The following SUGP1 variants were observed in gnomAD, a reference collection of about 807,000 sequenced individuals.
The protein encoded by SUGP1 is SURP and G-patch domain-containing protein 1.
In SUGP1, 34 loss-of-function variants were observed where a neutral mutation model predicts 76.5. The ratio of observed to expected loss-of-function variants is 0.44; its 90% CI spans 0.34 to 0.59. SUGP1 has a LOEUF of 0.59. Among genes scored for constraint, SUGP1 ranks in the 20% least tolerant of loss-of-function variants. SUGP1 has a pLI of 0.01. For synonymous variants in SUGP1, 326 were observed against 326.2 expected (o/e 1.00, Z 0.01); for missense variants, 752 against 851.7 (o/e 0.88, Z 1.46).
chr19:19,318,420 GT>G (rs973581861), intron 1 of SUGP1, among the ~76,000 whole-genome samples: 1 of 151,130 alleles, frequency 6.6e-6, no homozygotes, highest in East Asian at 2.0e-4. Context: ...ACACCCAGCC[GT>G]TTTTTTTGTT....
chr19:19,279,258 TGC>T lies in SUGP1; in HGVS notation c.1481_1482del (p.Gly494AspfsTer13). ...ATGCGCCGCAGCTGGTGCTCCCAGG[TGC>T]CCAGCTCGCTGTCCACCTCCTCATC... is the stretch of plus-strand genomic sequence containing the variant. ...DSDEEVDSEL[G>X]TWEHQLRRME... On this transcript the variant is annotated frameshift_variant, in exon 10 of 14. Coordinates refer to ENST00000247001, the MANE Select transcript of SUGP1 (RefSeq NM_172231.4). LOFTEE classifies it high-confidence loss of function. 1 of 1,608,650 alleles carries T rather than the reference TGC, an allele frequency of 6.2e-7. No individual in the cohort carries two copies. The highest frequency in any genetic ancestry group is 8.5e-7 in the Non-Finnish European group (1 of 1,178,626).
At chr19:19,282,671 A>G (rs1223577541) in intron 8 of SUGP1, among the ~76,000 whole-genome samples, 3 of 152,190 alleles carry the variant, frequency 2.0e-5, no homozygotes, top group Non-Finnish European at 2.9e-5. Flanking sequence ...GGTCCACTTA[A>G]TATGCTGATT....
intron 6 of SUGP1, among the ~76,000 whole-genome samples, chr19:19,302,960 C>G (rs892659779): frequency 2.0e-5 from 3 of 152,190 alleles, no homozygotes; most frequent in African/African-American, 4.8e-5. Context: ...CCCTACACTA[C>G]ACTTGCCTTG....
chr19:19,296,864 A>C, intron 8 of SUGP1, 125 bp downstream of exon 8: 2 of 829,224 alleles, frequency 2.4e-6, no homozygotes, highest in Non-Finnish European at 3.6e-6. Context: ...ACACAGTGGA[A>C]GATATGGCCA....
intron 8 of SUGP1, among the ~76,000 whole-genome samples, chr19:19,293,052 G>A (rs534631887): frequency 2.1e-4 from 32 of 151,990 alleles, no homozygotes; most frequent in Non-Finnish European, 3.7e-4. Context: ...GATTACAGGC[G>A]TGTGCCACCA....
At chr19:19,300,760 C>T (rs1462121571) in intron 7 of SUGP1, among the ~76,000 whole-genome samples, 1 of 152,180 alleles carries the variant, frequency 6.6e-6, no homozygotes, top group Non-Finnish European at 1.5e-5. Flanking sequence ...CGACCTCAAC[C>T]AGCCTGGCCT....
Position 19,280,153 on chromosome 19 carries a change from ATGTCCCCGTCCCCT to A in SUGP1, c.1350+18_1350+31del. 1.9e-6 allele frequency: 3 copies of A among 1,602,402 alleles called. No individual in the cohort carries two copies. The South Asian group carries it at 3.3e-5, about 18-fold the overall frequency. The stretch of plus-strand genomic sequence containing the variant: ...GGACAACACTCTATGGGCGCCGACC[ATGTCCCCGTCCCCT>A]TGTCCCCGCAGTCTTACCTCCTGCT... On this transcript the variant is annotated intron_variant, in intron 9 of 13. Coordinates refer to ENST00000247001, the MANE Select transcript of SUGP1 (RefSeq NM_172231.4).
chr19:19,285,910 T>C (rs370356688), intron 8 of SUGP1, among the ~76,000 whole-genome samples: 1 of 152,254 alleles, frequency 6.6e-6, no homozygotes, highest in Admixed American at 6.5e-5. Context: ...TTTGTGCAAA[T>C]GCAGTTGGGT....
At chr19:19,298,955 C>T (rs1037800778) in intron 7 of SUGP1, among the ~76,000 whole-genome samples, 4 of 152,130 alleles carry the variant, frequency 2.6e-5, no homozygotes, top group African/African-American at 9.7e-5. Context: ...GTTACAATGG[C>T]ACTCAATGGT....
chr19:19,296,868 A>C, intron 8 of SUGP1, 121 bp downstream of exon 8: 35 of 821,740 alleles, frequency 4.3e-5, no homozygotes, highest in Non-Finnish European at 6.0e-5. Flanking sequence ...AGTGGAAGAT[A>C]TGGCCACAGA....
chr19:19,293,888 A>C (rs2061204663), intron 8 of SUGP1, among the ~76,000 whole-genome samples: 1 of 152,096 alleles, frequency 6.6e-6, no homozygotes, highest in African/African-American at 2.4e-5. Flanking sequence ...GAAAACCCTG[A>C]AGAATCCACA....
At chr19:19,295,477 G>A (rs551122691) in intron 8 of SUGP1, among the ~76,000 whole-genome samples, 8 of 151,904 alleles carry the variant, frequency 5.3e-5, no homozygotes, top group African/African-American at 7.2e-5. Context: ...GGTGGCACAC[G>A]CCTGTAGTCC....
intron 4 of SUGP1, 40 bp from the exon 5 acceptor site, chr19:19,303,887 C>A: frequency 1.9e-6 from 3 of 1,612,514 alleles, no homozygotes; most frequent in Non-Finnish European, 2.5e-6. Flanking sequence ...AACTCACACA[C>A]CCCACAGTCA....
intron 1 of SUGP1, among the ~76,000 whole-genome samples, chr19:19,318,088 G>C (rs1446956188): frequency 1.3e-5 from 2 of 148,544 alleles, no homozygotes; most frequent in Non-Finnish European, 3.0e-5. Flanking sequence ...TGGAATTACA[G>C]GCGTGAGCCA....
At chr19:19,278,236 G>T (rs1467301013) in intron 11 of SUGP1, among the ~76,000 whole-genome samples, 1 of 152,156 alleles carries the variant, frequency 6.6e-6, no homozygotes, top group African/African-American at 2.4e-5. Context: ...GGACAACGAG[G>T]TTACCACCTC....
chr19:19,306,331 G>C (rs907172090), intron 3 of SUGP1, among the ~76,000 whole-genome samples: 2 of 152,218 alleles, frequency 1.3e-5, no homozygotes, highest in African/African-American at 4.8e-5. Flanking sequence ...AGGCATCTCG[G>C]TCGCGCTGCA....
rs768330710 is a variant in SUGP1 at position 19,297,358 on chromosome 19, T to G, written c.888-14A>C. 5.4e-6 allele frequency: 8 copies of G among 1,487,888 alleles called. No homozygotes were observed. In the South Asian group the frequency reaches 1.1e-4, roughly 20 times the overall value. 92.2% of individuals were successfully genotyped at this position (1,487,888 alleles called of 1,614,324 possible). Reference sequence around the variant, plus strand: ...TCATACAGAAAGCTGCAAAGGAGAGTTGGGGGGTGCAGTGTCAGCTGGGCC... The same window carrying G: ...TCATACAGAAAGCTGCAAAGGAGAGGTGGGGGGTGCAGTGTCAGCTGGGCC... On this transcript the variant is annotated splice_polypyrimidine_tract_variant and intron_variant, in intron 7 of 13. Coordinates refer to ENST00000247001, the MANE Select transcript of SUGP1 (RefSeq NM_172231.4).
At position 19,279,066 on chromosome 19, in the gene SUGP1, T is replaced by C. The variant is rs1054699681; in HGVS notation, c.1528+147A>G. On this transcript the variant is annotated intron_variant, in intron 10 of 13. Coordinates refer to ENST00000247001, the MANE Select transcript of SUGP1 (RefSeq NM_172231.4). ...GCCCCAGAGAGACTGAGCCTCTCAC[T>C]CCAGGCCTCACAGCCACAGGAAGCA... is the stretch of plus-strand genomic sequence containing the variant. 31 of 944,292 alleles carry C rather than the reference T, an allele frequency of 3.3e-5. No homozygotes were observed. In the Admixed American group the frequency reaches 8.4e-4, roughly 25 times the overall value. 58.5% of individuals were successfully genotyped at this position (944,292 alleles called of 1,614,324 possible). A position where few individuals can be genotyped will look rare whatever the true frequency, so the allele number is the denominator to read the frequency against.
rs550830265 is a variant in SUGP1 at position 19,276,470 on chromosome 19, G to A, written c.*178C>T. Reference sequence around the variant, plus strand: ...GCCCCGAGACAGCATCTTGCATCCCGCTGCTAACAGGAGGGGCTTCCTGCA... The same window carrying A: ...GCCCCGAGACAGCATCTTGCATCCCACTGCTAACAGGAGGGGCTTCCTGCA... On this transcript the variant is annotated 3_prime_UTR_variant, in exon 14 of 14. Coordinates refer to ENST00000247001, the MANE Select transcript of SUGP1 (RefSeq NM_172231.4). 140 of 693,310 alleles carry A rather than the reference G, an allele frequency of 2.0e-4. No individual in the cohort carries two copies. The highest frequency in any genetic ancestry group is 3.0e-4 in the Non-Finnish European group (122 of 402,692). The allele number at this position is 693,310 out of a possible 1,614,324, so 42.9% of individuals were successfully genotyped here.
Sources: allele counts gnomAD v4.1 joint callset (sites outside exome capture counted in the v4.1 genomes callset), GRCh38; gene constraint gnomAD v4.1.1; transcripts MANE v1.5; gene names NCBI Gene and HGNC (gene_info 2026-07-23, HGNC 2026-07-21).